Variants in CAMK2D observed in about 807,000 individuals in gnomAD.
CAMK2D encodes the protein calcium/calmodulin dependent protein kinase II delta.
In CAMK2D, 37 loss-of-function variants were observed where a neutral mutation model predicts 84.0. That is an observed-to-expected ratio of 0.44 (90% CI 0.34 to 0.58). CAMK2D has a LOEUF of 0.58. Ranked by LOEUF, CAMK2D falls within the 20% of genes least tolerant of loss-of-function variation. CAMK2D has a pLI of 0.02. For missense variants in CAMK2D, 448 were observed against 652.5 expected (o/e 0.69, Z 3.41); for synonymous variants, 202 against 212.5 (o/e 0.95, Z 0.43).
chr4:113,620,812 G>A (rs186831473), intron 3 of CAMK2D, among the ~76,000 whole-genome samples: 14 of 152,140 alleles, frequency 9.2e-5, no homozygotes, highest in Admixed American at 4.6e-4. Flanking sequence ...TTCTATGAGC[G>A]ATATTTTTAA....
At chr4:113,607,459 G>T (rs376182586) in intron 4 of CAMK2D, among the ~76,000 whole-genome samples, 1 of 152,056 alleles carries the variant, frequency 6.6e-6, no homozygotes, top group South Asian at 2.1e-4. Context: ...CTGAGGAACC[G>T]CAGGAGAGGT....
At chr4:113,558,858 T>C (rs2098684170) in intron 4 of CAMK2D, among the ~76,000 whole-genome samples, 1 of 152,070 alleles carries the variant, frequency 6.6e-6, no homozygotes, top group Non-Finnish European at 1.5e-5. Context: ...GGTATGAACC[T>C]GTAGTCCCAG....
chr4:113,687,483 A>C (rs1415421317), intron 2 of CAMK2D, among the ~76,000 whole-genome samples: 1 of 152,212 alleles, frequency 6.6e-6, no homozygotes, highest in Non-Finnish European at 1.5e-5. Flanking sequence ...AATATCTGTT[A>C]GGCCTTTTAT....
intron 3 of CAMK2D, among the ~76,000 whole-genome samples, chr4:113,641,668 G>C (rs1055480803): frequency 9.2e-5 from 14 of 152,148 alleles, no homozygotes; most frequent in African/African-American, 3.4e-4. Context: ...TTTATAAATT[G>C]TGGCTTTGAA....
In CAMK2D at chr4:113,633,065, A is replaced by C. The variant is rs145293328; in HGVS notation, c.221-23859T>G. ...TAATCTGGACATAAAGCTATAAAGT[A>C]AATTCTACTGAAGAATATATTAGAA... is the stretch of plus-strand genomic sequence containing the variant. On this transcript the variant is annotated intron_variant, in intron 3 of 20. Coordinates refer to ENST00000511664, the MANE Select transcript of CAMK2D (RefSeq NM_001321571.2). Among the ~76,000 whole-genome samples the C allele has an allele frequency of 5.4e-3, 828 of 152,350 alleles. 19 individuals carry two copies. The highest frequency in any genetic ancestry group is 0.027 in the Admixed American group (415 of 15,302).
chr4:113,755,321 G>T (rs2099626201), intron 2 of CAMK2D, among the ~76,000 whole-genome samples: 1 of 151,720 alleles, frequency 6.6e-6, no homozygotes, highest in Non-Finnish European at 1.5e-5. Flanking sequence ...AATAAAACTA[G>T]TAAAATCAAA....
chr4:113,700,020 T>C (rs1236645113), intron 2 of CAMK2D, among the ~76,000 whole-genome samples: 2 of 152,216 alleles, frequency 1.3e-5, no homozygotes, highest in Non-Finnish European at 2.9e-5. Flanking sequence ...TCTGGTACTT[T>C]TTGAATATCA....
At chr4:113,721,089 C>A (rs2099529281) in intron 2 of CAMK2D, among the ~76,000 whole-genome samples, 1 of 152,106 alleles carries the variant, frequency 6.6e-6, no homozygotes, top group Non-Finnish European at 1.5e-5. Context: ...TTTAACGCTA[C>A]TTCTATAAAT....
chr4:113,680,933 G>T (rs936019379), intron 2 of CAMK2D, among the ~76,000 whole-genome samples: 1 of 152,200 alleles, frequency 6.6e-6, no homozygotes, highest in African/African-American at 2.4e-5. Flanking sequence ...CTGTGAGAAA[G>T]GTGGGTCTCA....
rs569701205 is a variant in CAMK2D, at chr4:113,720,266, T to C, written c.160+39054A>G. On this transcript the variant is annotated intron_variant, in intron 2 of 20. Coordinates refer to ENST00000511664, the MANE Select transcript of CAMK2D (RefSeq NM_001321571.2). ...AGGGTTCTGATTAACAACTCAGTAGTAGTAACCAAATTTAAGTTGCATTTT... is the reference window on the plus strand; with the variant it reads ...AGGGTTCTGATTAACAACTCAGTAGCAGTAACCAAATTTAAGTTGCATTTT... 3.3e-5 allele frequency among the ~76,000 whole-genome samples: 5 copies of C among 152,098 alleles called. No individual in the cohort carries two copies. The South Asian group carries it at 1.0e-3, about 32-fold the overall frequency.
chr4:113,743,414 T>C (rs2099597160), intron 2 of CAMK2D, among the ~76,000 whole-genome samples: 2 of 152,232 alleles, frequency 1.3e-5, no homozygotes, highest in African/African-American at 4.8e-5. Flanking sequence ...TCAAGGCCTG[T>C]ACCTGCTAAT....
chr4:113,458,544 G>A (rs1035981828), intron 18 of CAMK2D, among the ~76,000 whole-genome samples: 18 of 152,158 alleles, frequency 1.2e-4, no homozygotes, highest in Non-Finnish European at 2.4e-4. Context: ...AAATATTAAT[G>A]AGTTAATTCT....
At chr4:113,728,922 AC>A (rs1397543720) in intron 2 of CAMK2D, among the ~76,000 whole-genome samples, 3 of 152,198 alleles carry the variant, frequency 2.0e-5, no homozygotes, top group Admixed American at 6.5e-5. Flanking sequence ...CAGTCCTAAT[AC>A]AATCACAGCT....
chr4:113,727,799 GA>G (rs1222640621), intron 2 of CAMK2D, among the ~76,000 whole-genome samples: 75 of 152,164 alleles, frequency 4.9e-4, no homozygotes, highest in African/African-American at 1.8e-3. Context: ...AATATACAAA[GA>G]ATTCTTAGAA....
At chr4:113,462,326 G>GTCTATCTATCTATCTA (rs1462001963) in intron 17 of CAMK2D, among the ~76,000 whole-genome samples, 22 of 132,266 alleles carry the variant, frequency 1.7e-4, no homozygotes, top group Admixed American at 5.3e-4. Context: ...CTGTCTGTCT[G>GTCTATCTATCTATCTA]TCTGTCTGTC....
intron 3 of CAMK2D, among the ~76,000 whole-genome samples, chr4:113,618,919 T>A (rs916784196): frequency 4.6e-5 from 7 of 152,312 alleles, no homozygotes; most frequent in African/African-American, 1.7e-4. Context: ...TAGTTCAGCC[T>A]AGGTCAATGA....
rs2098950417 is a variant in CAMK2D at position 113,601,173 on chromosome 4, C to T, written c.275+7979G>A. On this transcript the variant is annotated intron_variant, in intron 4 of 20. Transcript: ENST00000511664. ...CACACAAACTGAAAGTTTTCACGAACATAAAGGAAACATGATACGTGGGTA... is the reference window on the plus strand; with the variant it reads ...CACACAAACTGAAAGTTTTCACGAATATAAAGGAAACATGATACGTGGGTA... Among the ~76,000 whole-genome samples the T allele has an allele frequency of 2.0e-5, 3 of 152,070 alleles. No homozygotes were observed. The South Asian group carries it at 6.2e-4, about 31-fold the overall frequency.
intron 4 of CAMK2D, among the ~76,000 whole-genome samples, chr4:113,600,703 T>C (rs2098948230): frequency 6.6e-6 from 1 of 152,162 alleles, no homozygotes; most frequent in South Asian, 2.1e-4. Flanking sequence ...CATAATCTTG[T>C]CTCACTGCAG....
intron 2 of CAMK2D, among the ~76,000 whole-genome samples, chr4:113,668,038 T>G (rs1278718699): frequency 6.6e-6 from 1 of 152,122 alleles, no homozygotes; most frequent in Non-Finnish European, 1.5e-5. Flanking sequence ...AAATGTAGAT[T>G]ATGAATTATG....
Sources: gnomAD v4.1 joint callset for allele counts (sites outside exome capture counted in the v4.1 genomes callset) on GRCh38, gnomAD v4.1.1 for gene constraint, MANE v1.5 for transcripts, NCBI Gene and HGNC (gene_info 2026-07-23, HGNC 2026-07-21) for gene names.